CCDC7: variants seen among roughly 807,000 people sequenced by gnomAD.
CCDC7 encodes the protein coiled-coil domain-containing protein 7.
A neutral mutation model predicts 196.9 loss-of-function variants in CCDC7; 183 were observed. That is an observed-to-expected ratio of 0.93 (90% CI 0.82 to 1.05). The LOEUF (loss-of-function observed/expected upper bound fraction) is 1.05, where lower values mean the gene tolerates loss of function less well. CCDC7 is among the 50% of genes least tolerant of loss of function. The pLI, the probability that CCDC7 is intolerant of heterozygous loss-of-function variation, is 0.00. For missense variants in CCDC7, 1,540 were observed against 1,482.2 expected (o/e 1.04, Z -0.64); for synonymous variants, 525 against 484.6 (o/e 1.08, Z -1.10).
At chr10:32,754,781 G>A (rs2133591797) in intron 28 of CCDC7, among the ~76,000 whole-genome samples, 1 of 152,240 alleles carries the variant, frequency 6.6e-6, no homozygotes, top group Non-Finnish European at 1.5e-5. Flanking sequence ...TAGGACAGTG[G>A]GTACAGCCCA....
intron 18 of CCDC7, among the ~76,000 whole-genome samples, chr10:32,608,237 T>C (rs894292716): frequency 6.6e-6 from 1 of 152,132 alleles, no homozygotes; most frequent in African/African-American, 2.4e-5. Context: ...CAATTTTGAT[T>C]AGCTTTAAAA....
At chr10:32,878,127 T>G (rs2094654811), downstream of CCDC7, among the ~76,000 whole-genome samples, 1 of 152,144 alleles carries the variant, frequency 6.6e-6, no homozygotes, top group Non-Finnish European at 1.5e-5. Flanking sequence ...ATTCCACACC[T>G]GTGCCCTACA....
Position 32,776,952 on chromosome 10 carries a change from T to G in CCDC7, c.2906-2025T>G, listed in dbSNP as rs543620660. On this transcript the variant is annotated intron_variant, in intron 28 of 41. Transcript: ENST00000639629. ...AGAAGCAGCTGGTACACATGCAGAT[T>G]AGTTACAAAGTCTGTTGTGTGATGC... 5.9e-5 allele frequency among the ~76,000 whole-genome samples: 9 copies of G among 152,256 alleles called. No individual in the cohort carries two copies. In the South Asian group the frequency reaches 1.9e-3, roughly 32 times the overall value.
chr10:32,783,348 T>C (rs1326690933), intron 29 of CCDC7, among the ~76,000 whole-genome samples: 2 of 152,154 alleles, frequency 1.3e-5, no homozygotes, highest in East Asian at 3.8e-4. Flanking sequence ...GGGCAAGTGA[T>C]TTGAATAGAC....
At chr10:32,828,946 AC>A (rs904441841) in intron 32 of CCDC7, among the ~76,000 whole-genome samples, 9 of 152,174 alleles carry the variant, frequency 5.9e-5, no homozygotes, top group Admixed American at 1.3e-4. Context: ...AGGAGACACA[AC>A]AACAATTCAA....
intron 14 of CCDC7, 81 bp from the exon 16 acceptor site, chr10:32,567,589 A>G: frequency 7.0e-7 from 1 of 1,437,230 alleles, no homozygotes; most frequent in Non-Finnish European, 9.3e-7. Flanking sequence ...AGGCGTAAAT[A>G]TATGTAGATT....
At chr10:32,745,923 T>G (rs1197887049) in intron 28 of CCDC7, among the ~76,000 whole-genome samples, 2 of 152,242 alleles carry the variant, frequency 1.3e-5, no homozygotes, top group Non-Finnish European at 2.9e-5. Context: ...AGATTTTATA[T>G]GTATTTTGTC....
At chr10:32,455,306 T>A (rs1336816787) in intron 2 of CCDC7, among the ~76,000 whole-genome samples, 1 of 94,492 alleles carries the variant, frequency 1.1e-5, no homozygotes, top group African/African-American at 3.1e-5. Context: ...TATTTATTTA[T>A]TTATTTTATT....
chr10:32,638,982 T>C (rs531753588), intron 20 of CCDC7, among the ~76,000 whole-genome samples: 1 of 152,356 alleles, frequency 6.6e-6, no homozygotes, highest in East Asian at 1.9e-4. Context: ...TTGAAGAATT[T>C]ATCCATTTCT....
At chr10:32,684,216 C>A (rs943888508) in intron 21 of CCDC7, among the ~76,000 whole-genome samples, 1 of 152,138 alleles carries the variant, frequency 6.6e-6, no homozygotes, top group Non-Finnish European at 1.5e-5. Context: ...GGCCCTTATC[C>A]TGGGGCGCAT....
chr10:32,703,353 T>C (rs2079097029), intron 24 of CCDC7, among the ~76,000 whole-genome samples: 1 of 151,868 alleles, frequency 6.6e-6, no homozygotes, highest in African/African-American at 2.4e-5. Flanking sequence ...CCCACTCTCT[T>C]CCGGCTTGTA....
chr10:32,732,436 T>C (rs1038016513), intron 28 of CCDC7, among the ~76,000 whole-genome samples: 4 of 152,168 alleles, frequency 2.6e-5, no homozygotes, highest in African/African-American at 9.6e-5. Flanking sequence ...CCATTGTCGT[T>C]GATTAATCAT....
intron 16 of CCDC7, among the ~76,000 whole-genome samples, chr10:32,580,870 G>T (rs1162031652): frequency 6.6e-6 from 1 of 151,418 alleles, no homozygotes; most frequent in East Asian, 1.9e-4. Context: ...AAAAAATAAA[G>T]AGGGCAGTTT....
intron 41 of CCDC7, among the ~76,000 whole-genome samples, chr10:32,866,477 C>A (rs1306259158): frequency 6.7e-6 from 1 of 150,258 alleles, no homozygotes; most frequent in Non-Finnish European, 1.5e-5. Flanking sequence ...TTAAAAAAGA[C>A]AAAACAGGCT....
intron 28 of CCDC7, among the ~76,000 whole-genome samples, chr10:32,757,772 T>C (rs939196693): frequency 1.3e-5 from 2 of 151,684 alleles, no homozygotes; most frequent in Admixed American, 6.6e-5. Context: ...CTGAAGGAGA[T>C]AGAGACAGAA....
At chr10:32,493,290 C>T (rs922105722) in intron 9 of CCDC7, among the ~76,000 whole-genome samples, 1 of 151,774 alleles carries the variant, frequency 6.6e-6, no homozygotes, top group Non-Finnish European at 1.5e-5. Context: ...GACTTCTTAG[C>T]ATAATGCCCT....
In CCDC7 at chr10:32,729,047, T is replaced by A. The variant is rs1260150740; in HGVS notation, c.2779+50T>A. On this transcript the variant is annotated intron_variant, in intron 27 of 41. Coordinates refer to ENST00000639629, the Ensembl canonical transcript of CCDC7. ...TTTAAATTATTTTATGTTGAACTCATCAGATCTTTTCCTTTGATTCGTCAG... is the reference window on the plus strand; with the variant it reads ...TTTAAATTATTTTATGTTGAACTCAACAGATCTTTTCCTTTGATTCGTCAG... 2.4e-6 allele frequency: 3 copies of A among 1,247,962 alleles called. No homozygotes were observed. The Admixed American group carries it at 6.2e-5, about 26-fold the overall frequency. The allele number at this position is 1,247,962 out of a possible 1,614,324, so 77.3% of individuals were successfully genotyped here. A position where few individuals can be genotyped will look rare whatever the true frequency, so the allele number is the denominator to read the frequency against.
chr10:32,741,043 A>G (rs1179263994), intron 28 of CCDC7, among the ~76,000 whole-genome samples: 1 of 152,128 alleles, frequency 6.6e-6, no homozygotes, highest in Non-Finnish European at 1.5e-5. Context: ...ATACTATATA[A>G]TCTTACTTTA....
intron 24 of CCDC7, among the ~76,000 whole-genome samples, chr10:32,710,631 T>C (rs2080667409): frequency 6.6e-6 from 1 of 152,188 alleles, no homozygotes; most frequent in Non-Finnish European, 1.5e-5. Flanking sequence ...GACCCACTGA[T>C]AGGGCTGGCA....
Sources: allele counts gnomAD v4.1 joint callset (sites outside exome capture counted in the v4.1 genomes callset), GRCh38; gene constraint gnomAD v4.1.1; transcripts MANE v1.5; gene names NCBI Gene and HGNC (gene_info 2026-07-23, HGNC 2026-07-21).